The following CNTNAP3B variants were observed in gnomAD, a reference collection of about 807,000 sequenced individuals.
The protein encoded by CNTNAP3B is contactin-associated protein-like 3B.
In CNTNAP3B, 25 loss-of-function variants were observed where a neutral mutation model predicts 108.9. The observed-to-expected ratio is 0.23, with a 90% CI of 0.17 to 0.32. The LOEUF (loss-of-function observed/expected upper bound fraction) is 0.32. CNTNAP3B is among the 10% of genes least tolerant of loss of function. The pLI, the probability that CNTNAP3B is intolerant of heterozygous loss-of-function variation, is 1.00. For synonymous variants in CNTNAP3B, 103 were observed against 473.4 expected, an observed-to-expected ratio of 0.22 and a Z score of 10.16; for missense variants, 252 against 1,210.4, an observed-to-expected ratio of 0.21 and a Z score of 11.75.
intron 18 of CNTNAP3B, among the ~76,000 whole-genome samples, chr9:41,916,539 G>A (rs1468587962): frequency 2.0e-5 from 3 of 151,986 alleles, no homozygotes; most frequent in African/African-American, 7.3e-5. Flanking sequence ...TCTGCTTTTT[G>A]TAAGTAGGGA....
At chr9:41,924,897 T>C (rs1823771491) in intron 15 of CNTNAP3B, among the ~76,000 whole-genome samples, 1 of 152,274 alleles carries the variant, frequency 6.6e-6, no homozygotes, top group Admixed American at 6.5e-5. Flanking sequence ...TTTCAGAATG[T>C]TCCTCAACTT....
chr9:41,942,195 G>A (rs1824369167), intron 13 of CNTNAP3B, among the ~76,000 whole-genome samples: 1 of 152,294 alleles, frequency 6.6e-6, no homozygotes, highest in Non-Finnish European at 1.5e-5. Context: ...GATGCTTCTG[G>A]CCGGGCGCGG....
chr9:41,917,933 G>C (rs1303519119), intron 18 of CNTNAP3B, among the ~76,000 whole-genome samples: 1 of 152,278 alleles, frequency 6.6e-6, no homozygotes, highest in African/African-American at 2.4e-5. Flanking sequence ...GCAGGGAGAG[G>C]GTCTTGGCTT....
intron 3 of CNTNAP3B, among the ~76,000 whole-genome samples, chr9:42,028,901 T>A (rs1826459050): frequency 6.6e-6 from 1 of 151,950 alleles, no homozygotes; most frequent in South Asian, 2.1e-4. Flanking sequence ...TCAAGCTTTT[T>A]TAGAAGCTTT....
chr9:41,939,976 G>C (rs1219751599), intron 13 of CNTNAP3B, among the ~76,000 whole-genome samples: 4 of 152,234 alleles, frequency 2.6e-5, no homozygotes, highest in African/African-American at 9.6e-5. Context: ...ATAACATAAC[G>C]TTTTAAAAAA....
chr9:42,093,301 C>T (rs1334712536), intron 2 of CNTNAP3B, among the ~76,000 whole-genome samples: 2 of 95,596 alleles, frequency 2.1e-5, no homozygotes, highest in Non-Finnish European at 4.4e-5. Context: ...GCCGAGATCA[C>T]GTCACTGCAC....
intron 11 of CNTNAP3B, among the ~76,000 whole-genome samples, chr9:41,963,931 A>G (rs2118225689): frequency 6.6e-6 from 1 of 152,344 alleles, no homozygotes; most frequent in African/African-American, 2.4e-5. Flanking sequence ...TAAGTACTCA[A>G]TACATTAATA....
intron 1 of CNTNAP3B, among the ~76,000 whole-genome samples, chr9:42,111,417 A>AT (rs1179242687): frequency 7.2e-6 from 1 of 139,398 alleles, no homozygotes; most frequent in East Asian, 2.2e-4. Context: ...TAGTATCTGT[A>AT]GAACTCAACA....
intron 1 of CNTNAP3B, among the ~76,000 whole-genome samples, chr9:42,118,046 C>T (rs372184295): frequency 1.5e-5 from 2 of 132,580 alleles, no homozygotes; most frequent in East Asian, 4.9e-4. Context: ...AGCTTAACAA[C>T]CAAAAAAAGT....
chr9:42,071,592 C>A (rs201175157), intron 3 of CNTNAP3B, among the ~76,000 whole-genome samples: 14,682 of 64,470 alleles, frequency 0.23, 67 homozygotes, highest in East Asian at 0.38. Flanking sequence ...AAATAAAATT[C>A]TATAGATTTA....
chr9:41,962,965 A>AAACAAAC (rs1825149460), intron 11 of CNTNAP3B, among the ~76,000 whole-genome samples: 8 of 149,412 alleles, frequency 5.4e-5, no homozygotes, highest in Admixed American at 5.3e-4. Flanking sequence ...AAAAAACAAA[A>AAACAAAC]AACAAACAAA....
intron 1 of CNTNAP3B, among the ~76,000 whole-genome samples, chr9:42,124,028 G>T (rs1272534282): frequency 7.5e-6 from 1 of 133,548 alleles, no homozygotes; most frequent in Non-Finnish European, 1.6e-5. Context: ...TCAAACCACA[G>T]CCCAGGCAAT....
intron 13 of CNTNAP3B, among the ~76,000 whole-genome samples, chr9:41,942,052 A>C (rs1389214412): frequency 6.6e-6 from 1 of 152,304 alleles, no homozygotes; most frequent in Admixed American, 6.5e-5. Context: ...GGGGAATGGA[A>C]ATACCCAGAA....
intron 3 of CNTNAP3B, among the ~76,000 whole-genome samples, chr9:42,019,842 A>G (rs1442771216): frequency 2.3e-5 from 3 of 128,496 alleles, no homozygotes; most frequent in African/African-American, 9.2e-5. Context: ...GTTAGTTTAT[A>G]TTTGGGTCAA....
At chr9:41,930,945 T>C (rs1173836111) in intron 14 of CNTNAP3B, among the ~76,000 whole-genome samples, 1 of 152,270 alleles carries the variant, frequency 6.6e-6, no homozygotes, top group Non-Finnish European at 1.5e-5. Context: ...TATATTTATA[T>C]ACTTTTGGTT....
At chr9:41,915,778 G>A (rs1823501366) in intron 18 of CNTNAP3B, among the ~76,000 whole-genome samples, 1 of 147,440 alleles carries the variant, frequency 6.8e-6, no homozygotes, top group East Asian at 2.0e-4. Context: ...TTAATCTTGT[G>A]TAATATGTTG....
chr9:41,969,888 G>A (rs1267262932), intron 10 of CNTNAP3B, among the ~76,000 whole-genome samples, 186 bp downstream of exon 10: 1 of 145,080 alleles, frequency 6.9e-6, no homozygotes, highest in Non-Finnish European at 1.5e-5. Context: ...CCGCATTACA[G>A]GTGTGAGCCA....
chr9:41,939,757 A>T (rs1179939101), intron 13 of CNTNAP3B, among the ~76,000 whole-genome samples: 1 of 152,282 alleles, frequency 6.6e-6, no homozygotes, highest in Non-Finnish European at 1.5e-5. Flanking sequence ...TATTCCCCAT[A>T]AAGTAGTAAA....
At chr9:41,966,983 A>C (rs1825298108) in intron 10 of CNTNAP3B, among the ~76,000 whole-genome samples, 1 of 150,116 alleles carries the variant, frequency 6.7e-6, no homozygotes, top group African/African-American at 2.5e-5. Flanking sequence ...ACAAACAAAC[A>C]AACACCTATC....
Sources: gnomAD v4.1 joint callset for allele counts (sites outside exome capture counted in the v4.1 genomes callset) on GRCh38, gnomAD v4.1.1 for gene constraint, MANE v1.5 for transcripts, NCBI Gene and HGNC (gene_info 2026-07-23, HGNC 2026-07-21) for gene names.